The following SNTG1 variants were observed in gnomAD, a reference collection of about 807,000 sequenced individuals.
The protein encoded by SNTG1 is syntrophin gamma 1.
SNTG1 carries 39 observed loss-of-function variants against 74.7 expected under a neutral mutation model. That is an observed-to-expected ratio of 0.52 (90% CI 0.40 to 0.68). SNTG1 has a LOEUF of 0.68. Ranked by LOEUF, SNTG1 falls within the 30% of genes least tolerant of loss-of-function variation. The pLI is 0.00. For synonymous variants in SNTG1, 254 were observed against 217.1 expected (o/e 1.17, Z -1.49); for missense variants, 685 against 609.5 (o/e 1.12, Z -1.30).
chr8:49,934,925 G>T (rs1035135699), intron 1 of SNTG1, among the ~76,000 whole-genome samples: 5 of 152,006 alleles, frequency 3.3e-5, no homozygotes, highest in African/African-American at 1.2e-4. Flanking sequence ...CTTTGAATTT[G>T]TGAGGGAAAA....
chr8:50,266,682 G>GTATATATATATA (rs1341606847), intron 2 of SNTG1, among the ~76,000 whole-genome samples: 1 of 137,446 alleles, frequency 7.3e-6, no homozygotes, highest in African/African-American at 2.8e-5. Context: ...GTGTGTGTGT[G>GTATATATATATA]TGTATATATA....
At chr8:50,126,455 A>T (rs2081142505) in intron 1 of SNTG1, among the ~76,000 whole-genome samples, 1 of 152,140 alleles carries the variant, frequency 6.6e-6, no homozygotes, top group Non-Finnish European at 1.5e-5. Context: ...AAATAATGGA[A>T]CAATTGTAAG....
chr8:50,511,513 A>G (rs1450069347), intron 9 of SNTG1, among the ~76,000 whole-genome samples: 2 of 151,980 alleles, frequency 1.3e-5, no homozygotes, highest in African/African-American at 2.4e-5. Context: ...TTGACAGCGT[A>G]GTGTTAAAGT....
chr8:50,203,446 T>A (rs2084069524), intron 2 of SNTG1, among the ~76,000 whole-genome samples: 1 of 152,128 alleles, frequency 6.6e-6, no homozygotes, highest in Non-Finnish European at 1.5e-5. Context: ...AGAAAAGCCA[T>A]TAACTTTCAG....
At position 50,191,358 on chromosome 8, in the gene SNTG1, G is replaced by A. The variant is rs995014725; in HGVS notation, c.-28+18723G>A. Among the ~76,000 whole-genome samples, 4 of 152,044 alleles carry A rather than the reference G, an allele frequency of 2.6e-5. No homozygotes were observed. In the South Asian group the frequency reaches 6.2e-4, roughly 24 times the overall value. On this transcript the variant is annotated intron_variant, in intron 2 of 18. Coordinates refer to ENST00000642720, the MANE Select transcript of SNTG1 (RefSeq NM_018967.5). ...AAAGGAGAAAAATGCTTGGCAAATC[G>A]TTGCTAATTTTGAAATATTGGGTTA...
chr8:50,735,508 GAAGAAA>G (rs2095526144), intron 17 of SNTG1, among the ~76,000 whole-genome samples: 1 of 151,776 alleles, frequency 6.6e-6, no homozygotes, highest in Non-Finnish European at 1.5e-5. Flanking sequence ...CGATCAATCA[GAAGAAA>G]GGGTATCAGA....
At chr8:50,472,093 G>T (rs1215442986) in intron 8 of SNTG1, among the ~76,000 whole-genome samples, 2 of 152,090 alleles carry the variant, frequency 1.3e-5, no homozygotes, top group African/African-American at 4.8e-5. Context: ...GACTGGGAGA[G>T]AATTTTTATT....
At chr8:50,350,267 C>G (rs1362275606) in intron 2 of SNTG1, among the ~76,000 whole-genome samples, 1 of 152,104 alleles carries the variant, frequency 6.6e-6, no homozygotes, top group Non-Finnish European at 1.5e-5. Flanking sequence ...TCCACCGGAG[C>G]CCAGTCCCAC....
At position 50,542,936 on chromosome 8, in the gene SNTG1, T is replaced by C. The variant is rs190712291; in HGVS notation, c.680+6128T>C. Among the ~76,000 whole-genome samples the C allele has an allele frequency of 2.6e-5, 4 of 152,302 alleles. No individual in the cohort carries two copies. In the East Asian group the frequency reaches 7.7e-4, roughly 29 times the overall value. On this transcript the variant is annotated intron_variant, in intron 11 of 18. Transcript: ENST00000642720. The stretch of plus-strand genomic sequence containing the variant: ...ATCTTCTGCCCATTTTTAAGTCAGA[T>C]TTTTTATTGTTATTGAGTTGTTTGA...
At chr8:50,666,529 A>G (rs534930029) in intron 15 of SNTG1, among the ~76,000 whole-genome samples, 2 of 152,298 alleles carry the variant, frequency 1.3e-5, no homozygotes, top group African/African-American at 2.4e-5. Context: ...CAGTTCAGAA[A>G]ATAAGTATTT....
intron 1 of SNTG1, among the ~76,000 whole-genome samples, chr8:50,050,571 C>T (rs547579553): frequency 1.1e-4 from 17 of 152,008 alleles, no homozygotes; most frequent in Middle Eastern, 3.4e-3. Flanking sequence ...AAATAAAATC[C>T]TAAGTACAGA....
At chr8:50,276,992 G>A (rs2088152198) in intron 2 of SNTG1, among the ~76,000 whole-genome samples, 1 of 152,000 alleles carries the variant, frequency 6.6e-6, no homozygotes, top group Non-Finnish European at 1.5e-5. Flanking sequence ...ACCACGCCTG[G>A]CTAATTTTTT....
At chr8:50,431,857 G>A (rs2093240271) in intron 4 of SNTG1, among the ~76,000 whole-genome samples, 1 of 152,052 alleles carries the variant, frequency 6.6e-6, no homozygotes, top group Non-Finnish European at 1.5e-5. Flanking sequence ...AAATACTTCA[G>A]CCACTTTTTA....
At chr8:50,668,940 T>A (rs1245042105) in intron 15 of SNTG1, among the ~76,000 whole-genome samples, 1 of 152,040 alleles carries the variant, frequency 6.6e-6, no homozygotes, top group African/African-American at 2.4e-5. Flanking sequence ...GCAGTAAACA[T>A]ACGTGTGCAT....
intron 13 of SNTG1, among the ~76,000 whole-genome samples, chr8:50,618,578 A>G (rs968633750): frequency 2.6e-5 from 4 of 152,206 alleles, no homozygotes; most frequent in Non-Finnish European, 5.9e-5. Context: ...TTCCTGAAAA[A>G]CTAAGCTTGT....
chr8:50,626,644 T>C (rs189421192), intron 13 of SNTG1, among the ~76,000 whole-genome samples: 1 of 152,316 alleles, frequency 6.6e-6, no homozygotes, highest in East Asian at 1.9e-4. Context: ...AGCAGGAACA[T>C]GTCCTTAAGG....
chr8:50,697,191 G>T (rs375561388), intron 15 of SNTG1, among the ~76,000 whole-genome samples: 3 of 151,856 alleles, frequency 2.0e-5, no homozygotes, highest in South Asian at 2.1e-4. Flanking sequence ...GGGTTTTTTT[G>T]GAAGTTATTA....
intron 2 of SNTG1, among the ~76,000 whole-genome samples, chr8:50,350,122 G>A (rs1303585495): frequency 5.3e-5 from 8 of 152,158 alleles, no homozygotes; most frequent in Non-Finnish European, 1.0e-4. Flanking sequence ...CGCTGTGCTC[G>A]ATTTCTCGCT....
chr8:49,973,921 T>C (rs1477393504), intron 1 of SNTG1, among the ~76,000 whole-genome samples: 3 of 152,172 alleles, frequency 2.0e-5, no homozygotes, highest in African/African-American at 7.2e-5. Context: ...AATAGAAGAT[T>C]CTTGATGCTA....
Sources: gnomAD v4.1 joint callset for allele counts (sites outside exome capture counted in the v4.1 genomes callset) on GRCh38, gnomAD v4.1.1 for gene constraint, MANE v1.5 for transcripts, NCBI Gene and HGNC (gene_info 2026-07-23, HGNC 2026-07-21) for gene names.